The following AP3B1 variants were observed in gnomAD, a reference collection of about 807,000 sequenced individuals.
The protein encoded by AP3B1 is AP-3 complex subunit beta-1.
AP3B1 carries 61 observed loss-of-function variants against 132.5 expected under a neutral mutation model. The ratio of observed to expected loss-of-function variants is 0.46; its 90% CI spans 0.37 to 0.57. The LOEUF (loss-of-function observed/expected upper bound fraction) is 0.57. Ranked by LOEUF, AP3B1 falls within the 20% of genes least tolerant of loss-of-function variation. The pLI is 0.00. For synonymous variants in AP3B1, 388 were observed against 438.3 expected, an observed-to-expected ratio of 0.89 and a Z score of 1.43; for missense variants, 1,120 against 1,289.4, an observed-to-expected ratio of 0.87 and a Z score of 2.01.
chr5:78,211,934 T>C, intron 7 of AP3B1, among the ~76,000 whole-genome samples: 1 of 152,350 alleles, frequency 6.6e-6, no homozygotes, highest in Non-Finnish European at 1.5e-5. Flanking sequence ...TTTCTTCATA[T>C]ATAAAATGGG....
At chr5:78,156,668 G>C (rs531910039) in intron 13 of AP3B1, among the ~76,000 whole-genome samples, 1 of 152,180 alleles carries the variant, frequency 6.6e-6, no homozygotes, top group Non-Finnish European at 1.5e-5. Flanking sequence ...GCTCACCATA[G>C]TGTTCTATGT....
At chr5:78,162,683 G>T in intron 13 of AP3B1, 136 bp downstream of exon 13, 1 of 873,686 alleles carries the variant, frequency 1.1e-6, no homozygotes, top group Non-Finnish European at 1.8e-6. Flanking sequence ...AGGATAAAAT[G>T]CTACTTATTG....
Position 78,129,153 on chromosome 5 carries a change from T to A in AP3B1, c.1805A>T (p.Lys602Met). 6.2e-7 allele frequency: 1 copy of A among 1,613,264 alleles called. No individual in the cohort carries two copies. The highest frequency in any genetic ancestry group is 8.5e-7 in the Non-Finnish European group (1 of 1,179,478). The change falls in exon 16 of 27, where the codon AAG becomes ATG. Residue 602 changes from lysine (K) to methionine (M), a missense_variant. Transcript: ENST00000255194. ...KYAKKIFLAQ[K>M]PAPLLESPFK... ...AGGAGACTCAAGCAGTGGTGCAGGC[T>A]TTTGTGCTAGGAATATTTTTTTGGC...
chr5:78,103,936 T>C (rs564787409), intron 20 of AP3B1, among the ~76,000 whole-genome samples: 6 of 152,266 alleles, frequency 3.9e-5, no homozygotes, highest in South Asian at 2.1e-4. Flanking sequence ...TAATGTATTA[T>C]GCATGTTCAT....
chr5:78,226,070 C>T (rs1486465809), intron 5 of AP3B1, among the ~76,000 whole-genome samples: 1 of 151,868 alleles, frequency 6.6e-6, no homozygotes, highest in African/African-American at 2.4e-5. Context: ...ATAAAATCTG[C>T]CAACTAAAAC....
chr5:78,071,340 T>C (rs111738932), intron 22 of AP3B1, among the ~76,000 whole-genome samples: 1 of 152,112 alleles, frequency 6.6e-6, no homozygotes, highest in East Asian at 1.9e-4. Context: ...TTCTCACTTA[T>C]AAGTGGGAGC....
At chr5:78,228,278 A>C (rs1746484203) in intron 3 of AP3B1, 39 bp from the exon 4 acceptor site, 4 of 1,475,872 alleles carry the variant, frequency 2.7e-6, no homozygotes, top group Non-Finnish European at 3.7e-6. Context: ...CCAGAGTGAA[A>C]ATTTAAAACT....
intron 22 of AP3B1, among the ~76,000 whole-genome samples, chr5:78,053,791 C>T (rs144634796): frequency 4.3e-4 from 66 of 151,942 alleles, no homozygotes; most frequent in Non-Finnish European, 7.8e-4. Context: ...TTATACTATA[C>T]GAGGTCTCTC....
At chr5:78,028,988 T>C (rs975735368) in intron 24 of AP3B1, among the ~76,000 whole-genome samples, 2 of 152,180 alleles carry the variant, frequency 1.3e-5, no homozygotes, top group South Asian at 2.1e-4. Context: ...TATTATCCCA[T>C]AGTTTTCCTT....
intron 14 of AP3B1, among the ~76,000 whole-genome samples, chr5:78,152,331 C>T (rs1258273477): frequency 1.3e-5 from 2 of 151,736 alleles, no homozygotes; most frequent in Non-Finnish European, 2.9e-5. Flanking sequence ...ACTGGGAGAA[C>T]TTTTATTATG....
chr5:78,163,611 G>T (rs1743481940), intron 12 of AP3B1, among the ~76,000 whole-genome samples: 1 of 146,256 alleles, frequency 6.8e-6, no homozygotes, highest in African/African-American at 2.5e-5. Flanking sequence ...ATATGTGTGT[G>T]TGTGTATATA....
At position 78,092,597 on chromosome 5, in the gene AP3B1, A is replaced by C. The variant is rs115011781; in HGVS notation, c.2471-3098T>G. On this transcript the variant is annotated intron_variant, in intron 21 of 26. Coordinates refer to ENST00000255194, the MANE Select transcript of AP3B1 (RefSeq NM_003664.5). The stretch of plus-strand genomic sequence containing the variant: ...TCTAGCATTGGTGAAGGTACAAGGA[A>C]TATAGCACCCTCATATTAATACTGT... Among the ~76,000 whole-genome samples, 914 of 152,332 alleles carry C rather than the reference A, an allele frequency of 6.0e-3. 4 individuals are homozygous for C. The highest frequency in any genetic ancestry group is 0.014 in the Middle Eastern group (4 of 294).
rs1752469722 is a variant in AP3B1 at position 78,126,505 on chromosome 5, A to AT, written c.1968+1524_1968+1525insA. On this transcript the variant is annotated intron_variant, in intron 17 of 26. Transcript: ENST00000255194. ...GGGTGACAGAGCAAGACTCTGTCTC[A>AT]AAAAAAAAAAAAAAAAAAAAAAAAA... 1.1e-4 allele frequency among the ~76,000 whole-genome samples: 5 copies of AT among 45,218 alleles called. No individual in the cohort carries two copies. The East Asian group carries it at 2.7e-3, about 25-fold the overall frequency. 29.7% of individuals were successfully genotyped at this position (45,218 alleles called of 152,430 possible).
At chr5:78,284,545 C>A (rs1350965841) in intron 1 of AP3B1, among the ~76,000 whole-genome samples, 1 of 152,076 alleles carries the variant, frequency 6.6e-6, no homozygotes, top group Non-Finnish European at 1.5e-5. Flanking sequence ...AATGAGCAGG[C>A]TCCATGCATT....
At chr5:78,142,265 G>A (rs556739642) in intron 14 of AP3B1, among the ~76,000 whole-genome samples, 2 of 152,294 alleles carry the variant, frequency 1.3e-5, no homozygotes, top group South Asian at 4.1e-4. Context: ...ACAATTTAGA[G>A]TATGCAAATT....
At chr5:78,240,339 A>T (rs1418117344) in intron 3 of AP3B1, among the ~76,000 whole-genome samples, 5 of 152,266 alleles carry the variant, frequency 3.3e-5, no homozygotes, top group Non-Finnish European at 7.3e-5. Context: ...TTAATACTAG[A>T]CTATATTAGT....
chr5:78,220,975 G>C (rs1224719136), intron 6 of AP3B1, among the ~76,000 whole-genome samples: 1 of 152,080 alleles, frequency 6.6e-6, no homozygotes, highest in Non-Finnish European at 1.5e-5. Context: ...CTTGTGCTGG[G>C]GAGGTCGAGG....
intron 22 of AP3B1, chr5:78,044,083 T>A: frequency 6.2e-6 from 2 of 321,690 alleles, no homozygotes; most frequent in South Asian, 3.3e-5. Flanking sequence ...GGGCAATATC[T>A]GCCTGAAAGG....
intron 15 of AP3B1, among the ~76,000 whole-genome samples, chr5:78,140,178 C>T (rs1365220990): frequency 6.6e-6 from 1 of 152,106 alleles, no homozygotes; most frequent in Non-Finnish European, 1.5e-5. Flanking sequence ...TTATTAACAG[C>T]TGCTCAAAAA....
Sources: allele counts gnomAD v4.1 joint callset (sites outside exome capture counted in the v4.1 genomes callset), GRCh38; gene constraint gnomAD v4.1.1; transcripts MANE v1.5; gene names NCBI Gene and HGNC (gene_info 2026-07-23, HGNC 2026-07-21).